The following EPHA7 variants were observed in gnomAD, a reference collection of about 807,000 sequenced individuals.
The protein encoded by EPHA7 is EPH receptor A7.
EPHA7 carries 25 observed loss-of-function variants against 112.6 expected under a neutral mutation model. That is an observed-to-expected ratio of 0.22 (90% CI 0.16 to 0.31). The LOEUF (loss-of-function observed/expected upper bound fraction) is 0.31. Ranked by LOEUF, EPHA7 falls within the 10% of genes least tolerant of loss-of-function variation. The pLI, the probability that EPHA7 is intolerant of heterozygous loss-of-function variation, is 1.00. For synonymous variants in EPHA7, 437 were observed against 406.5 expected (o/e 1.07, Z -0.90); for missense variants, 962 against 1,212.6 (o/e 0.79, Z 3.07).
At chr6:93,320,387 C>T (rs1562094754) in intron 5 of EPHA7, among the ~76,000 whole-genome samples, 2 of 152,100 alleles carry the variant, frequency 1.3e-5, no homozygotes, top group East Asian at 3.9e-4. Context: ...AAACAGAACT[C>T]TTTAAAATTA....
chr6:93,398,108 T>A (rs1778268150), intron 3 of EPHA7, among the ~76,000 whole-genome samples: 1 of 151,996 alleles, frequency 6.6e-6, no homozygotes. Flanking sequence ...TCTTACCTCT[T>A]CACCCTTAAT....
At position 93,257,617 on chromosome 6, in the gene EPHA7, G is replaced by C. The variant is rs1026433624; in HGVS notation, c.2111-94C>G. The C allele has an allele frequency of 4.4e-4, 346 of 781,580 alleles. 4 individuals are homozygous for C. In the East Asian group the frequency reaches 8.8e-3, roughly 20 times the overall value. 48.4% of individuals were successfully genotyped at this position (781,580 alleles called of 1,614,324 possible). On this transcript the variant is annotated intron_variant, in intron 11 of 16. Transcript: ENST00000369303. ...CCAATAAAACACATGGTGTTCTTTTGAAAGAGTGAGTGTGAGAAGTATGAG... is the reference window on the plus strand; with the variant it reads ...CCAATAAAACACATGGTGTTCTTTTCAAAGAGTGAGTGTGAGAAGTATGAG...
At chr6:93,324,639 G>GT (rs2127890402) in intron 5 of EPHA7, among the ~76,000 whole-genome samples, 1 of 151,542 alleles carries the variant, frequency 6.6e-6, no homozygotes, top group Admixed American at 6.6e-5. Context: ...AAATATGCGT[G>GT]TAAGTGTGCT....
intron 5 of EPHA7, among the ~76,000 whole-genome samples, chr6:93,276,485 A>G (rs2127889395): frequency 6.6e-6 from 1 of 152,208 alleles, no homozygotes; most frequent in South Asian, 2.1e-4. Context: ...AGACCAGCCG[A>G]TAACTTGATT....
Position 93,304,532 on chromosome 6 carries a change from C to A in EPHA7, c.1325-32110G>T, listed in dbSNP as rs377261888. ...GGGAATATAAAAAGATTGATTATAT[C>A]TCATGTCCTTGACTAAAAGGAGCAT... On this transcript the variant is annotated intron_variant, in intron 5 of 16. Coordinates refer to ENST00000369303, the MANE Select transcript of EPHA7 (RefSeq NM_004440.4). 1.4e-4 allele frequency among the ~76,000 whole-genome samples: 21 copies of A among 152,166 alleles called. No individual in the cohort carries two copies. In the East Asian group the frequency reaches 2.7e-3, roughly 20 times the overall value.
intron 3 of EPHA7, among the ~76,000 whole-genome samples, chr6:93,400,704 A>C (rs185641331): frequency 4.0e-5 from 6 of 151,846 alleles, no homozygotes; most frequent in Non-Finnish European, 5.9e-5. Context: ...CACCTGAATA[A>C]CTTTTCCAAT....
intron 15 of EPHA7, among the ~76,000 whole-genome samples, chr6:93,246,058 C>CTT (rs368442114): frequency 2.7e-5 from 4 of 148,284 alleles, no homozygotes; most frequent in Non-Finnish European, 1.5e-5. Flanking sequence ...TTTTTCTTTT[C>CTT]TTTTTTTTTT....
chr6:93,343,076 T>C (rs1775221501), intron 5 of EPHA7, among the ~76,000 whole-genome samples: 1 of 151,750 alleles, frequency 6.6e-6, no homozygotes, highest in Non-Finnish European at 1.5e-5. Flanking sequence ...AATACTGATC[T>C]ACAACAGTTA....
At chr6:93,405,803 GTGTGTGTGTGTATATATATATATATATA>G (rs1187994376) in intron 3 of EPHA7, among the ~76,000 whole-genome samples, 1 of 62,434 alleles carries the variant, frequency 1.6e-5, no homozygotes, top group Non-Finnish European at 3.0e-5. Flanking sequence ...GTGTGTGTGT[GTGTGTGTGTGTATATATATATATATATA>G]TATATATATA....
chr6:93,415,559 G>A (rs1251782871), intron 1 of EPHA7, among the ~76,000 whole-genome samples: 2 of 151,870 alleles, frequency 1.3e-5, no homozygotes, highest in African/African-American at 4.8e-5. Flanking sequence ...GCATTAGAAT[G>A]TTATATATTA....
chr6:93,306,924 A>C lies in EPHA7; in HGVS notation c.1325-34502T>G, dbSNP rs573736398. Among the ~76,000 whole-genome samples the C allele has an allele frequency of 5.0e-3, 760 of 152,080 alleles. 10 individuals carry two copies. Among genetic ancestry groups the C allele is most frequent in the African/African-American group, 0.018 (733 of 41,568 alleles). On this transcript the variant is annotated intron_variant, in intron 5 of 16. Transcript: ENST00000369303. ...TGAAGATGGATCAAATAAATTCTAC[A>C]TTTTAGTAGCAATTATAATTAATTT...
intron 3 of EPHA7, among the ~76,000 whole-genome samples, chr6:93,362,763 T>C (rs1776320778): frequency 6.6e-6 from 1 of 152,126 alleles, no homozygotes; most frequent in Admixed American, 6.6e-5. Flanking sequence ...CCATGCCTCT[T>C]TAACTTAAGC....
At chr6:93,290,145 G>A (rs1379101004) in intron 5 of EPHA7, among the ~76,000 whole-genome samples, 1 of 151,758 alleles carries the variant, frequency 6.6e-6, no homozygotes, top group African/African-American at 2.4e-5. Context: ...CATATGTAAT[G>A]ATTTTTGTAT....
chr6:93,243,565 A>C (rs1769775916), intron 16 of EPHA7, 25 bp from the exon 17 acceptor site: 1 of 1,475,134 alleles, frequency 6.8e-7, no homozygotes, highest in African/African-American at 1.4e-5. Flanking sequence ...TGCACTTTTT[A>C]TTAGGTACCT....
At chr6:93,409,048 T>A (rs551316) in intron 3 of EPHA7, among the ~76,000 whole-genome samples, 87,071 of 151,766 alleles carry the variant, frequency 0.57, 26,683 homozygotes, top group African/African-American at 0.79. Context: ...ATCTCAATGT[T>A]TAATAGTCAT....
intron 3 of EPHA7, among the ~76,000 whole-genome samples, chr6:93,384,167 G>A (rs933254172): frequency 2.6e-5 from 4 of 152,090 alleles, no homozygotes; most frequent in African/African-American, 9.7e-5. Flanking sequence ...GAAACCTAAT[G>A]TCATGTGTTA....
intron 2 of EPHA7, 30 bp from the exon 3 acceptor site, chr6:93,411,200 A>G: frequency 1.9e-6 from 3 of 1,563,674 alleles, no homozygotes; most frequent in Non-Finnish European, 2.6e-6. Flanking sequence ...GTCATCAGTC[A>G]TTCAGCAAAA....
At chr6:93,414,791 A>G (rs1417092033) in intron 1 of EPHA7, 24 bp from the exon 2 acceptor site, 10 of 1,599,418 alleles carry the variant, frequency 6.3e-6, no homozygotes, top group Non-Finnish European at 8.6e-6. Flanking sequence ...TTGTATTTCC[A>G]TATGTTACAT....
At chr6:93,398,112 C>T (rs1046416039) in intron 3 of EPHA7, among the ~76,000 whole-genome samples, 3 of 151,890 alleles carry the variant, frequency 2.0e-5, no homozygotes, top group African/African-American at 7.2e-5. Flanking sequence ...ACCTCTTCAC[C>T]CTTAATCTAT....
Sources: allele counts gnomAD v4.1 joint callset (sites outside exome capture counted in the v4.1 genomes callset), GRCh38; gene constraint gnomAD v4.1.1; transcripts MANE v1.5; gene names NCBI Gene and HGNC (gene_info 2026-07-23, HGNC 2026-07-21).